Variants in RPS6KA5 observed in about 807,000 individuals in gnomAD.
The protein encoded by RPS6KA5 is ribosomal protein S6 kinase A5.
RPS6KA5 carries 27 observed loss-of-function variants against 85.5 expected under a neutral mutation model. That is an observed-to-expected ratio of 0.32 (90% CI 0.23 to 0.44). The LOEUF (loss-of-function observed/expected upper bound fraction) is 0.44. Ranked by LOEUF, RPS6KA5 falls within the 20% of genes least tolerant of loss-of-function variation. The probability of loss-of-function intolerance (pLI) is 1.00; values close to 1 mark genes in which losing one functional copy is unlikely to be tolerated. For missense variants in RPS6KA5, 811 were observed against 980.9 expected, an observed-to-expected ratio of 0.83 and a Z score of 2.31; for synonymous variants, 334 against 348.2, an observed-to-expected ratio of 0.96 and a Z score of 0.46.
intron 1 of RPS6KA5, among the ~76,000 whole-genome samples, chr14:91,032,776 C>T (rs1024762196): frequency 8.1e-6 from 1 of 123,694 alleles, no homozygotes; most frequent in African/African-American, 3.1e-5. Flanking sequence ...AACTGCTACA[C>T]AGAATTCATA....
intron 13 of RPS6KA5, among the ~76,000 whole-genome samples, chr14:90,891,951 T>G (rs986728761): frequency 6.6e-6 from 1 of 151,932 alleles, no homozygotes; most frequent in Non-Finnish European, 1.5e-5. Context: ...GAAATGACCA[T>G]GTTTATTCTA....
Position 90,873,688 on chromosome 14 carries a change from C to T in RPS6KA5, c.2104G>A (p.Asp702Asn). Reference sequence around the variant, plus strand: ...GCAGCTCCGGAAGATCCTAGAATATCCGGAGTCATCAGAGGATTGGAGGAC... The same window carrying T: ...GCAGCTCCGGAAGATCCTAGAATATTCGGAGTCATCAGAGGATTGGAGGAC... Reference protein sequence around the residue: ...QLSSNPLMTPDILGSSGAAVH... With the variant: ...QLSSNPLMTPNILGSSGAAVH... The change falls in exon 16 of 17, where the codon GAT becomes AAT. Residue 702 changes from aspartate to asparagine, a missense_variant. Coordinates refer to ENST00000614987, the MANE Select transcript of RPS6KA5 (RefSeq NM_004755.4). 6.2e-7 allele frequency: 1 copy of T among 1,614,138 alleles called. No individual in the cohort carries two copies. Among genetic ancestry groups the T allele is most frequent in the Non-Finnish European group, 8.5e-7 (1 of 1,180,022 alleles).
chr14:90,941,039 A>G (rs1254223053), intron 5 of RPS6KA5, among the ~76,000 whole-genome samples: 2 of 152,286 alleles, frequency 1.3e-5, no homozygotes, highest in South Asian at 2.1e-4. Context: ...ACAAATATCA[A>G]TGGAATGAGC....
At chr14:90,917,440 A>G (rs1399235976) in intron 7 of RPS6KA5, among the ~76,000 whole-genome samples, 2 of 152,124 alleles carry the variant, frequency 1.3e-5, no homozygotes, top group African/African-American at 2.4e-5. Context: ...ATGGAAGAAA[A>G]TGTTCTAAGT....
intron 3 of RPS6KA5, among the ~76,000 whole-genome samples, chr14:90,977,410 G>T (rs1487769281): frequency 6.6e-6 from 1 of 152,182 alleles, no homozygotes; most frequent in Non-Finnish European, 1.5e-5. Flanking sequence ...TGTGTGTGAG[G>T]ACTTTCCCAA....
chr14:90,860,511 GT>G lies in RPS6KA5; in HGVS notation c.*11562del, dbSNP rs1723842678. On this transcript the variant is annotated 3_prime_UTR_variant, in exon 17 of 17. Coordinates refer to ENST00000614987, the MANE Select transcript of RPS6KA5 (RefSeq NM_004755.4). ...ATTGTGCCACTGCACTCCAGCCTGG[GT>G]GACAGAGTGAGACTTGGTCTCAAAA... The G allele has an allele frequency of 6.6e-6, 1 of 152,186 alleles. No homozygotes were observed. Among genetic ancestry groups the G allele is most frequent in the South Asian group, 2.1e-4 (1 of 4,832 alleles). 9.4% of individuals were successfully genotyped at this position (152,186 alleles called of 1,614,324 possible). A position where few individuals can be genotyped will look rare whatever the true frequency, so the allele number is the denominator to read the frequency against.
intron 2 of RPS6KA5, among the ~76,000 whole-genome samples, chr14:90,993,261 G>A (rs928962124): frequency 1.8e-4 from 28 of 152,122 alleles, no homozygotes; most frequent in Middle Eastern, 3.2e-3. Flanking sequence ...CTAATATGGT[G>A]AAACCCCATC....
chr14:90,882,947 G>A (rs2140167059), intron 14 of RPS6KA5, among the ~76,000 whole-genome samples: 1 of 152,104 alleles, frequency 6.6e-6, no homozygotes, highest in African/African-American at 2.4e-5. Flanking sequence ...ATAGGTGTGT[G>A]CCACCACGCC....
intron 15 of RPS6KA5, 144 bp downstream of exon 15, chr14:90,875,057 A>C (rs1417308593): frequency 7.9e-6 from 6 of 761,860 alleles, no homozygotes; most frequent in Non-Finnish European, 1.1e-5. Context: ...ATAAGAAAAC[A>C]AGGCTGAAGA....
At chr14:90,927,698 A>T (rs2036748277) in intron 5 of RPS6KA5, among the ~76,000 whole-genome samples, 1 of 152,150 alleles carries the variant, frequency 6.6e-6, no homozygotes, top group African/African-American at 2.4e-5. Context: ...AAAGCTTTAA[A>T]AATATATAAA....
At position 90,865,744 on chromosome 14, in the gene RPS6KA5, G is replaced by C. The variant is rs2032777642; in HGVS notation, c.*6330C>G. ...AAGGAGTGGGAAAACAGAGGAGAGA[G>C]CTATCACATGGGCTTCCTAGAGAAA... On this transcript the variant is annotated 3_prime_UTR_variant, in exon 17 of 17. Coordinates refer to ENST00000614987, the MANE Select transcript of RPS6KA5 (RefSeq NM_004755.4). 1 of 152,182 alleles carries C rather than the reference G, an allele frequency of 6.6e-6. No individual in the cohort carries two copies. The allele number at this position is 152,182 out of a possible 1,614,324, so 9.4% of individuals were successfully genotyped here.
chr14:90,922,564 C>T (rs2036451433), intron 6 of RPS6KA5, among the ~76,000 whole-genome samples: 1 of 152,228 alleles, frequency 6.6e-6, no homozygotes, highest in Non-Finnish European at 1.5e-5. Flanking sequence ...TCTCCTTCCT[C>T]AGCCTTCCGA....
chr14:90,954,699 C>A (rs1234011989), intron 3 of RPS6KA5, among the ~76,000 whole-genome samples: 1 of 152,180 alleles, frequency 6.6e-6, no homozygotes, highest in Non-Finnish European at 1.5e-5. Flanking sequence ...CAGGCATGAG[C>A]CACCGTACTA....
chr14:90,992,577 TC>T lies in RPS6KA5; in HGVS notation c.175+8510del, dbSNP rs61241708. ...TATAAAATGGGCTGATAATCTGCCT[TC>T]TTTATACTGTCCTAGTGTGTTTTTT... On this transcript the variant is annotated intron_variant, in intron 2 of 16. Transcript: ENST00000614987. Among the ~76,000 whole-genome samples the T allele has an allele frequency of 8.5e-3, 1,289 of 152,346 alleles. 9 individuals are homozygous for T. The highest frequency in any genetic ancestry group is 0.029 in the African/African-American group (1,209 of 41,590).
At chr14:91,034,041 C>G (rs2042298974) in intron 1 of RPS6KA5, among the ~76,000 whole-genome samples, 1 of 152,180 alleles carries the variant, frequency 6.6e-6, no homozygotes, top group South Asian at 2.1e-4. Context: ...CGCAGTGGTT[C>G]ATGCCTGTAT....
intron 1 of RPS6KA5, among the ~76,000 whole-genome samples, chr14:91,008,187 T>C (rs541628858): frequency 2.0e-5 from 3 of 152,356 alleles, no homozygotes; most frequent in African/African-American, 7.2e-5. Flanking sequence ...GCTGAAATCA[T>C]TTGATTAGAT....
chr14:90,924,050 G>A (rs1372046321), intron 5 of RPS6KA5, among the ~76,000 whole-genome samples: 1 of 152,068 alleles, frequency 6.6e-6, no homozygotes, highest in Non-Finnish European at 1.5e-5. Context: ...CTTATCTGGT[G>A]CTTTGGGGGA....
chr14:90,936,667 TG>T (rs1222370452), intron 5 of RPS6KA5, among the ~76,000 whole-genome samples: 1 of 152,190 alleles, frequency 6.6e-6, no homozygotes, highest in African/African-American at 2.4e-5. Context: ...CCATTATATT[TG>T]TAGGGTCTAG....
chr14:91,018,102 G>T (rs749638087), intron 1 of RPS6KA5, among the ~76,000 whole-genome samples: 2 of 152,158 alleles, frequency 1.3e-5, no homozygotes, highest in Admixed American at 6.5e-5. Flanking sequence ...AGGAATAAAG[G>T]TTTGGGTCAC....
Sources: allele counts gnomAD v4.1 joint callset (sites outside exome capture counted in the v4.1 genomes callset), GRCh38; gene constraint gnomAD v4.1.1; transcripts MANE v1.5; gene names NCBI Gene and HGNC (gene_info 2026-07-23, HGNC 2026-07-21).